Variants in IL6ST observed in about 807,000 individuals in gnomAD.
IL6ST encodes interleukin 6 cytokine family signal transducer, also known as interleukin-6 receptor subunit beta.
IL6ST carries 24 observed loss-of-function variants against 91.3 expected under a neutral mutation model. That is an observed-to-expected ratio of 0.26 (90% confidence interval 0.19 to 0.37). IL6ST has a LOEUF of 0.37. Ranked by LOEUF, IL6ST falls within the 10% of genes least tolerant of loss-of-function variation. The pLI is 1.00. For missense variants in IL6ST, 914 were observed against 1,078.5 expected (o/e 0.85, Z 2.14); for synonymous variants, 351 against 373.6 (o/e 0.94, Z 0.70).
At chr5:55,990,950 T>C (rs1402534371) in intron 1 of IL6ST, among the ~76,000 whole-genome samples, 3 of 145,574 alleles carry the variant, frequency 2.1e-5, no homozygotes. Context: ...CCAAGCGTTC[T>C]CATTGTTCAA....
At chr5:55,990,366 T>A (rs1479481042) in intron 1 of IL6ST, among the ~76,000 whole-genome samples, 1 of 152,172 alleles carries the variant, frequency 6.6e-6, no homozygotes, top group Non-Finnish European at 1.5e-5. Context: ...TTGTTGACCA[T>A]CCCTGGTTCT....
At position 55,939,956 on chromosome 5, in the gene IL6ST, C is replaced by T. The variant is rs1750779181; in HGVS notation, c.*1126G>A. On this transcript the variant is annotated 3_prime_UTR_variant, in exon 17 of 17. Coordinates refer to ENST00000381298, the MANE Select transcript of IL6ST (RefSeq NM_002184.4). ...CTGTTTTGTTTTGGCAAATATTGCC[C>T]AAGTTGTCTTAGTGTGCCTCAAACA... is the stretch of plus-strand genomic sequence containing the variant. The T allele has an allele frequency of 4.9e-6, 1 of 203,212 alleles. No individual in the cohort carries two copies. Among genetic ancestry groups the T allele is most frequent in the Admixed American group, 6.0e-5 (1 of 16,736 alleles). 12.6% of individuals were successfully genotyped at this position (203,212 alleles called of 1,614,324 possible). A position where few individuals can be genotyped will look rare whatever the true frequency, so the allele number is the denominator to read the frequency against.
At chr5:55,959,565 C>G (rs1285249040) in intron 8 of IL6ST, 1 of 793,208 alleles carries the variant, frequency 1.3e-6, no homozygotes, top group Admixed American at 2.8e-5. Context: ...TCTTTTTGTG[C>G]CTTTTTTATT....
At chr5:55,959,547 C>T in intron 8 of IL6ST, 1 of 600,802 alleles carries the variant, frequency 1.7e-6, no homozygotes, top group East Asian at 6.5e-5. Flanking sequence ...TTACTTTAGA[C>T]TGTACACTCT....
intron 11 of IL6ST, among the ~76,000 whole-genome samples, chr5:55,953,122 A>G (rs1366305930): frequency 1.3e-5 from 2 of 152,182 alleles, no homozygotes; most frequent in Non-Finnish European, 2.9e-5. Flanking sequence ...GCACCACTAA[A>G]ATTTTTCTTA....
At chr5:55,947,748 T>C (rs747137109) in intron 14 of IL6ST, among the ~76,000 whole-genome samples, 159 bp from the exon 15 acceptor site, 3 of 152,198 alleles carry the variant, frequency 2.0e-5, no homozygotes, top group Non-Finnish European at 2.9e-5. Flanking sequence ...CTTGATGATT[T>C]TTACCCTCTT....
At chr5:55,985,919 CAG>C (rs1004164470) in intron 1 of IL6ST, among the ~76,000 whole-genome samples, 2 of 152,152 alleles carry the variant, frequency 1.3e-5, no homozygotes, top group African/African-American at 2.4e-5. Flanking sequence ...CATAAACAAA[CAG>C]GGGTGGCTGT....
At position 55,973,023 on chromosome 5, in the gene IL6ST, C is replaced by CA. The variant is rs1046395898; in HGVS notation, c.65-3169dup. On this transcript the variant is annotated intron_variant, in intron 3 of 16. Coordinates refer to ENST00000381298, the MANE Select transcript of IL6ST (RefSeq NM_002184.4). ...CCATCTCAAAAAAAAAGAAAAAAAG[C>CA]AAAAAAAAAAAGAATATACTATAAC... Among the ~76,000 whole-genome samples, 774 of 130,112 alleles carry CA rather than the reference C, an allele frequency of 5.9e-3. 3 individuals are homozygous for CA. Among genetic ancestry groups the CA allele is most frequent in the Non-Finnish European group, 8.8e-3 (526 of 59,736 alleles). 85.4% of individuals were successfully genotyped at this position (130,112 alleles called of 152,430 possible).
intron 1 of IL6ST, among the ~76,000 whole-genome samples, chr5:55,994,506 G>A (rs2111971119): frequency 6.6e-6 from 1 of 152,262 alleles, no homozygotes; most frequent in South Asian, 2.1e-4. Context: ...GTTCTTGAAG[G>A]GCGTTCTGCG....
In IL6ST at chr5:55,988,400, TCAAA is replaced by T. The variant is rs1754110281; in HGVS notation, c.-103-5593_-103-5590del. ...GACTATTGAGAATTTAACACAGTAGTCAAACAAAACATCATCAAAAAATAATAGG... is the reference window on the plus strand; with the variant it reads ...GACTATTGAGAATTTAACACAGTAGTCAAAACATCATCAAAAAATAATAGG... On this transcript the variant is annotated intron_variant, in intron 1 of 16. Transcript: ENST00000381298. Among the ~76,000 whole-genome samples the T allele has an allele frequency of 2.0e-5, 3 of 152,144 alleles. No individual in the cohort carries two copies. The South Asian group carries it at 6.2e-4, about 32-fold the overall frequency.
chr5:55,956,047 A>G lies in IL6ST; in HGVS notation c.1245T>C (p.Thr415=). The part of the protein sequence containing the change: ...LVGKSDAAVL[T]IPACDFQATH... ...AACCTTGAAAGTCACAGGCAGGGAT[A>G]GTTAAAACAGCTGCATCTGATTTGC... Residue 415 remains threonine (T), a synonymous_variant, in exon 10 of 17, where the codon ACT becomes ACC. Coordinates refer to ENST00000381298, the MANE Select transcript of IL6ST (RefSeq NM_002184.4). 1 of 1,612,800 alleles carries G rather than the reference A, an allele frequency of 6.2e-7. No homozygotes were observed. Among genetic ancestry groups the G allele is most frequent in the Non-Finnish European group, 8.5e-7 (1 of 1,178,786 alleles).
At position 55,947,501 on chromosome 5, in the gene IL6ST, C is replaced by G. The variant is rs765890902; in HGVS notation, c.1929G>C (p.Lys643Asn). ...TGAATAAAGTTACTTACAGGTCTCGCTTATTAAAGCAGAACAGCACTCCCA... is the reference window on the plus strand; with the variant it reads ...TGAATAAAGTTACTTACAGGTCTCGGTTATTAAAGCAGAACAGCACTCCCA... ...TLLGVLFCFN[K>N]RDLIKKHIWP... The change falls in exon 15 of 17, where the codon AAG (lysine) becomes AAC (asparagine). Residue 643 changes from lysine to asparagine, a missense_variant. Physicochemically the swap from Lys to Asn is moderately conservative, Grantham distance 94 (BLOSUM62 0). Transcript: ENST00000381298. 1.3e-6 allele frequency: 2 copies of G among 1,551,042 alleles called. No individual in the cohort carries two copies. The highest frequency in any genetic ancestry group is 4.6e-5 in the East Asian group (2 of 43,710).
rs578127628 is a variant in IL6ST at position 55,962,572 on chromosome 5, G to A, written c.813+780C>T. Among the ~76,000 whole-genome samples the A allele has an allele frequency of 2.0e-5, 3 of 152,140 alleles. No individual in the cohort carries two copies. The South Asian group carries it at 6.2e-4, about 32-fold the overall frequency. ...AGATAAAATATTTACTAATATTTTA[G>A]GCTTGTGGGCCAGAGACTCTTTTTG... On this transcript the variant is annotated intron_variant, in intron 7 of 16. Transcript: ENST00000381298.
In IL6ST at chr5:55,941,815, T is replaced by C. The variant is rs772218611; in HGVS notation, c.2024A>G (p.Asn675Ser). The C allele has an allele frequency of 1.2e-6, 2 of 1,608,740 alleles. No individual in the cohort carries two copies. The highest frequency in any genetic ancestry group is 1.7e-5 in the Admixed American group (1 of 59,222). Residue 675 changes from asparagine (N) to serine (S), a missense_variant, in exon 17 of 17, where the codon AAT (asparagine) becomes AGT (serine). Coordinates refer to ENST00000381298, the MANE Select transcript of IL6ST (RefSeq NM_002184.4). ...QWSPHTPPRHNFNSKDQMYSD... is the reference protein window; with the variant it reads ...QWSPHTPPRHSFNSKDQMYSD... ...ATACATTTGATCTTTTGAATTAAAA[T>C]TGTGCTAAGGAAGAGAAAAAATTGT...
At chr5:55,981,580 T>C (rs1753674304) in intron 2 of IL6ST, among the ~76,000 whole-genome samples, 1 of 151,946 alleles carries the variant, frequency 6.6e-6, no homozygotes, top group African/African-American at 2.4e-5. Context: ...GAGGCGGAGG[T>C]TGCAGCGAGC....
intron 15 of IL6ST, among the ~76,000 whole-genome samples, chr5:55,944,147 T>C (rs1394967751): frequency 6.6e-6 from 1 of 152,142 alleles, no homozygotes; most frequent in Non-Finnish European, 1.5e-5. Flanking sequence ...GGTGAAAGAC[T>C]AAATACTTTC....
Position 55,969,802 on chromosome 5 carries a change from G to A in IL6ST, c.118C>T (p.Leu40Phe). The A allele has an allele frequency of 6.2e-7, 1 of 1,610,954 alleles. No homozygotes were observed. The highest frequency in any genetic ancestry group is 8.5e-7 in the Non-Finnish European group (1 of 1,177,436). The change falls in exon 4 of 17, where the codon CTT becomes TTT. Residue 40 changes from leucine (L) to phenylalanine (F), a missense_variant. By Grantham distance (22) the Leu-to-Phe change is conservative (BLOSUM62 0). Coordinates refer to ENST00000381298, the MANE Select transcript of IL6ST (RefSeq NM_002184.4). ...YISPESPVVQLHSNFTAVCVL... is the reference protein window; with the variant it reads ...YISPESPVVQFHSNFTAVCVL... ...CAAACTGCAGTGAAATTAGAATGAA[G>A]TTGTACAACTGGAGATTCAGGACTG...
At chr5:55,992,347 T>C (rs530470122) in intron 1 of IL6ST, among the ~76,000 whole-genome samples, 7 of 152,310 alleles carry the variant, frequency 4.6e-5, no homozygotes, top group East Asian at 1.9e-4. Flanking sequence ...AGACGCAGGA[T>C]GTATCATGGT....
intron 8 of IL6ST, among the ~76,000 whole-genome samples, chr5:55,958,058 C>G (rs1217066758): frequency 6.6e-6 from 1 of 152,112 alleles, no homozygotes; most frequent in African/African-American, 2.4e-5. Context: ...AACAAATTCA[C>G]AGTATTGTTG....
Sources: allele counts gnomAD v4.1 joint callset (sites outside exome capture counted in the v4.1 genomes callset), GRCh38; gene constraint gnomAD v4.1.1; transcripts MANE v1.5; gene names NCBI Gene and HGNC (gene_info 2026-07-23, HGNC 2026-07-21).